The following SNX29 variants were observed in gnomAD, a reference collection of about 807,000 sequenced individuals.
SNX29 encodes the protein sorting nexin 29.
SNX29 carries 78 observed loss-of-function variants against 102.1 expected under a neutral mutation model. The observed-to-expected ratio is 0.76, with a 90% CI of 0.64 to 0.92. The LOEUF (loss-of-function observed/expected upper bound fraction) is 0.92. Among genes scored for constraint, SNX29 ranks in the 40% least tolerant of loss-of-function variants. The pLI is 0.00. For synonymous variants in SNX29, 580 were observed against 414.5 expected (o/e 1.40, Z -4.85); for missense variants, 1,280 against 1,061.7 (o/e 1.21, Z -2.86).
rs564267798 is a variant in SNX29 at position 12,509,561 on chromosome 16, T to G, written c.2179-15141T>G. ...GTCCCATGGAGGGGTGTCCTGGCAG[T>G]AAACAGGTGTGGGCAAGAAAATATC... On this transcript the variant is annotated intron_variant, in intron 19 of 20. Transcript: ENST00000566228. Among the ~76,000 whole-genome samples, 11 of 152,324 alleles carry G rather than the reference T, an allele frequency of 7.2e-5. No individual in the cohort carries two copies. In the South Asian group the frequency reaches 2.1e-3, roughly 29 times the overall value.
chr16:12,457,185 G>C lies in SNX29; in HGVS notation c.2038-20534G>C, dbSNP rs1265191473. ...CCCCTTTCCAGAATTGCTAATAACA[G>C]TACAATAAACACCGGTCATGCTTTA... is the stretch of plus-strand genomic sequence containing the variant. On this transcript the variant is annotated intron_variant, in intron 18 of 20. Coordinates refer to ENST00000566228, the MANE Select transcript of SNX29 (RefSeq NM_032167.5). Among the ~76,000 whole-genome samples the C allele has an allele frequency of 3.3e-5, 5 of 152,216 alleles. No individual in the cohort carries two copies. The East Asian group carries it at 9.6e-4, about 29-fold the overall frequency.
intron 15 of SNX29, among the ~76,000 whole-genome samples, chr16:12,315,831 G>A (rs889689369): frequency 6.6e-6 from 1 of 152,240 alleles, no homozygotes; most frequent in Non-Finnish European, 1.5e-5. Context: ...ATGGTAGAGA[G>A]TTTGTCACCC....
intron 15 of SNX29, among the ~76,000 whole-genome samples, chr16:12,332,302 C>T (rs1300135757): frequency 6.6e-6 from 1 of 152,232 alleles, no homozygotes; most frequent in East Asian, 1.9e-4. Flanking sequence ...GTCTTCAGCT[C>T]GTTGCCAAAT....
intron 7 of SNX29, among the ~76,000 whole-genome samples, 187 bp downstream of exon 7, chr16:12,048,807 C>T (rs1323286318): frequency 3.3e-5 from 5 of 152,152 alleles, no homozygotes; most frequent in Non-Finnish European, 5.9e-5. Flanking sequence ...TACCTAGATG[C>T]GAGAATTGCC....
chr16:12,258,748 C>T (rs1021415715), intron 14 of SNX29, among the ~76,000 whole-genome samples: 5 of 152,064 alleles, frequency 3.3e-5, no homozygotes, highest in Admixed American at 6.6e-5. Flanking sequence ...TCAGAGGAAA[C>T]GTGGAACTTG....
intron 19 of SNX29, among the ~76,000 whole-genome samples, chr16:12,501,108 T>G (rs2089100122): frequency 6.6e-6 from 1 of 152,134 alleles, no homozygotes; most frequent in South Asian, 2.1e-4. Flanking sequence ...GGGCTCTTCA[T>G]TCAGATTTAT....
At chr16:12,016,224 T>C (rs1467876950) in intron 3 of SNX29, among the ~76,000 whole-genome samples, 2 of 152,212 alleles carry the variant, frequency 1.3e-5, no homozygotes, top group African/African-American at 4.8e-5. Flanking sequence ...TACAAACAGT[T>C]GCCTGTGGAA....
At chr16:12,364,368 T>C (rs2082397335) in intron 16 of SNX29, among the ~76,000 whole-genome samples, 1 of 152,112 alleles carries the variant, frequency 6.6e-6, no homozygotes, top group African/African-American at 2.4e-5. Flanking sequence ...TAAGACACTT[T>C]TAAGGAACAG....
chr16:12,187,208 T>C (rs542928925), intron 13 of SNX29, among the ~76,000 whole-genome samples: 22 of 152,346 alleles, frequency 1.4e-4, no homozygotes, highest in African/African-American at 5.1e-4. Flanking sequence ...GCATGTCCCC[T>C]GGGCATGCTT....
At chr16:12,519,479 C>G (rs1199040842) in intron 19 of SNX29, among the ~76,000 whole-genome samples, 1 of 152,182 alleles carries the variant, frequency 6.6e-6, no homozygotes, top group African/African-American at 2.4e-5. Context: ...AATTTTGTTA[C>G]AGGTGATTAT....
At chr16:11,996,490 G>T (rs756706170) in intron 1 of SNX29, among the ~76,000 whole-genome samples, 1 of 152,222 alleles carries the variant, frequency 6.6e-6, no homozygotes, top group Non-Finnish European at 1.5e-5. Context: ...CTAGGGAGAT[G>T]AAAGAGATTT....
At chr16:12,251,394 C>CA (rs1408932203) in intron 14 of SNX29, among the ~76,000 whole-genome samples, 1 of 152,158 alleles carries the variant, frequency 6.6e-6, no homozygotes, top group Non-Finnish European at 1.5e-5. Context: ...CTTTATGATG[C>CA]ACAAGCCAGC....
chr16:12,192,269 C>A (rs1189209812), intron 13 of SNX29, among the ~76,000 whole-genome samples: 3 of 152,094 alleles, frequency 2.0e-5, no homozygotes, highest in African/African-American at 7.2e-5. Context: ...AGCCAGCAGG[C>A]TTGTTTGGGG....
At chr16:12,550,799 G>A (rs971157028) in intron 20 of SNX29, among the ~76,000 whole-genome samples, 2 of 152,182 alleles carry the variant, frequency 1.3e-5, no homozygotes, top group African/African-American at 4.8e-5. Flanking sequence ...AAGGAAGAGG[G>A]AGCCAAGAAT....
intron 1 of SNX29, among the ~76,000 whole-genome samples, chr16:11,994,861 G>A (rs1157689057): frequency 6.6e-6 from 1 of 152,142 alleles, no homozygotes; most frequent in Non-Finnish European, 1.5e-5. Flanking sequence ...TCCATAGACT[G>A]TAGAGCTGGA....
At chr16:11,983,394 A>T (rs772587057) in intron 1 of SNX29, among the ~76,000 whole-genome samples, 2 of 152,050 alleles carry the variant, frequency 1.3e-5, no homozygotes, top group Non-Finnish European at 2.9e-5. Context: ...AGTTTTCTGG[A>T]ATGTTGAAGG....
chr16:12,116,757 C>T (rs527746956), intron 11 of SNX29, among the ~76,000 whole-genome samples: 1 of 152,238 alleles, frequency 6.6e-6, no homozygotes, highest in African/African-American at 2.4e-5. Flanking sequence ...TGCTTCAACA[C>T]AGATGAACCG....
At chr16:12,046,765 G>T (rs571289028) in intron 6 of SNX29, among the ~76,000 whole-genome samples, 1 of 152,066 alleles carries the variant, frequency 6.6e-6, no homozygotes, top group Non-Finnish European at 1.5e-5. Context: ...GATTACGGGC[G>T]CCTGCCACCA....
At chr16:12,147,646 A>G (rs1203377728) in intron 13 of SNX29, among the ~76,000 whole-genome samples, 1 of 152,196 alleles carries the variant, frequency 6.6e-6, no homozygotes, top group Non-Finnish European at 1.5e-5. Context: ...CGATCCAAGG[A>G]GCCGCAGCCC....
Sources: allele counts gnomAD v4.1 joint callset (sites outside exome capture counted in the v4.1 genomes callset), GRCh38; gene constraint gnomAD v4.1.1; transcripts MANE v1.5; gene names NCBI Gene and HGNC (gene_info 2026-07-23, HGNC 2026-07-21).